EIPR1: variants seen among roughly 807,000 people sequenced by gnomAD.
EIPR1 encodes the protein EARP complex and GARP complex interacting protein 1.
Under a neutral mutation model 48.1 loss-of-function variants are expected in EIPR1, and 25 were observed. The ratio of observed to expected loss-of-function variants is 0.52; its 90% confidence interval spans 0.38 to 0.73. The LOEUF (loss-of-function observed/expected upper bound fraction) is 0.73, where lower values mean the gene tolerates loss of function less well. EIPR1 is among the 30% of genes least tolerant of loss of function. EIPR1 has a pLI of 0.00. For missense variants in EIPR1, 415 were observed against 506.2 expected (o/e 0.82, Z 1.73); for synonymous variants, 204 against 201.9 (o/e 1.01, Z -0.09).
intron 3 of EIPR1, among the ~76,000 whole-genome samples, chr2:3,292,932 C>T (rs193097251): frequency 1.5e-4 from 23 of 151,160 alleles, no homozygotes; most frequent in Non-Finnish European, 8.8e-5. Context: ...TTGCAGAAAA[C>T]GAGAAAGGGA....
chr2:3,198,837 G>A (rs545013687), intron 5 of EIPR1, among the ~76,000 whole-genome samples: 14 of 152,240 alleles, frequency 9.2e-5, no homozygotes, highest in South Asian at 2.1e-4. Flanking sequence ...AGGTCAGGGC[G>A]AAACTACAAC....
chr2:3,314,606 C>T (rs1050827444), intron 3 of EIPR1, among the ~76,000 whole-genome samples: 9 of 151,872 alleles, frequency 5.9e-5, no homozygotes, highest in Non-Finnish European at 7.4e-5. Context: ...TCAGGGCCCT[C>T]GGTGGTCTCA....
intron 8 of EIPR1, among the ~76,000 whole-genome samples, chr2:3,191,342 C>T (rs564652673): frequency 5.0e-4 from 75 of 150,428 alleles, no homozygotes; most frequent in Non-Finnish European, 7.2e-4. Context: ...ATGGGCCCAT[C>T]GCCACTGCAG....
intron 1 of EIPR1, among the ~76,000 whole-genome samples, chr2:3,371,177 C>G (rs1226613700): frequency 6.6e-6 from 1 of 152,162 alleles, no homozygotes; most frequent in Non-Finnish European, 1.5e-5. Flanking sequence ...ACTTTACAGA[C>G]AAGCAAATGC....
chr2:3,359,183 C>T (rs1670799038), intron 1 of EIPR1, among the ~76,000 whole-genome samples: 1 of 152,084 alleles, frequency 6.6e-6, no homozygotes, highest in South Asian at 2.1e-4. Context: ...CAAAATGAAC[C>T]CAGGAGCTCA....
intron 3 of EIPR1, among the ~76,000 whole-genome samples, chr2:3,321,869 C>T (rs943897439): frequency 2.0e-5 from 3 of 152,346 alleles, no homozygotes; most frequent in South Asian, 2.1e-4. Flanking sequence ...AAGGCACAGA[C>T]GCTGCCTCAT....
At chr2:3,200,518 G>C (rs1664993176) in intron 5 of EIPR1, among the ~76,000 whole-genome samples, 1 of 152,126 alleles carries the variant, frequency 6.6e-6, no homozygotes, top group Non-Finnish European at 1.5e-5. Context: ...TGCTGTGTGG[G>C]GACAGTTGGC....
intron 5 of EIPR1, among the ~76,000 whole-genome samples, chr2:3,209,247 G>T (rs1665355004): frequency 6.6e-6 from 1 of 152,192 alleles, no homozygotes; most frequent in Admixed American, 6.5e-5. Flanking sequence ...CAGACCTGGA[G>T]CTGAAGAAGC....
intron 4 of EIPR1, among the ~76,000 whole-genome samples, chr2:3,233,007 T>C (rs1666290230): frequency 6.6e-6 from 1 of 152,202 alleles, no homozygotes; most frequent in Admixed American, 6.5e-5. Context: ...AAACGCAAAG[T>C]CATATATGCC....
chr2:3,337,892 C>T, intron 3 of EIPR1, 125 bp downstream of exon 3: 1 of 1,039,880 alleles, frequency 9.6e-7, no homozygotes, highest in Middle Eastern at 2.1e-4. Flanking sequence ...TCTGTGCATG[C>T]AACACCTTCA....
rs77482401 is a variant in EIPR1 at position 3,207,228 on chromosome 2, T to C, written c.516+6921A>G. Among the ~76,000 whole-genome samples, 541 of 152,314 alleles carry C rather than the reference T, an allele frequency of 3.6e-3. 1 individual carries two copies. Among genetic ancestry groups the C allele is most frequent in the Middle Eastern group, 6.8e-3 (2 of 292 alleles). On this transcript the variant is annotated intron_variant, in intron 5 of 8. Coordinates refer to ENST00000382125, the MANE Select transcript of EIPR1 (RefSeq NM_003310.5). ...TGCTGTGAGGAACGCTGCTCTCCTG[T>C]AACCTGTAATTCCACTGTTAAATGG...
intron 3 of EIPR1, among the ~76,000 whole-genome samples, chr2:3,306,467 ACC>A (rs1668947968): frequency 6.6e-6 from 1 of 152,140 alleles, no homozygotes; most frequent in South Asian, 2.1e-4. Context: ...GGGGCACCAA[ACC>A]CCAACACAAC....
chr2:3,242,127 C>T (rs1171091163), intron 4 of EIPR1, among the ~76,000 whole-genome samples: 1 of 151,580 alleles, frequency 6.6e-6, no homozygotes, highest in Non-Finnish European at 1.5e-5. Flanking sequence ...CCAGGCAGCA[C>T]CCACTGATGG....
intron 3 of EIPR1, among the ~76,000 whole-genome samples, chr2:3,304,537 A>C (rs866882902): frequency 0.15 from 965 of 6,602 alleles, 466 homozygotes; most frequent in South Asian, 0.22. Context: ...CAACCCTCCA[A>C]TCCCATCCAG....
At chr2:3,196,662 A>C (rs1442051843) in intron 6 of EIPR1, among the ~76,000 whole-genome samples, 1 of 152,204 alleles carries the variant, frequency 6.6e-6, no homozygotes, top group African/African-American at 2.4e-5. Flanking sequence ...TGGAACATTA[A>C]ACAGCCACCG....
At chr2:3,235,448 G>A (rs138496956) in intron 4 of EIPR1, among the ~76,000 whole-genome samples, 247 of 26,890 alleles carry the variant, frequency 9.2e-3, no homozygotes, top group Admixed American at 0.035. Flanking sequence ...ACGCGTGCGC[G>A]CACACACACA....
intron 3 of EIPR1, among the ~76,000 whole-genome samples, chr2:3,334,139 G>A (rs778251324): frequency 6.6e-6 from 1 of 152,108 alleles, no homozygotes; most frequent in Non-Finnish European, 1.5e-5. Context: ...CCTAACAAAC[G>A]GCACACACAC....
At chr2:3,213,305 C>T (rs1665520817) in intron 5 of EIPR1, among the ~76,000 whole-genome samples, 2 of 152,014 alleles carry the variant, frequency 1.3e-5, no homozygotes, top group African/African-American at 4.8e-5. Context: ...ATTATGAATG[C>T]ATGTAAAAAC....
Position 3,286,648 on chromosome 2 carries a change from G to A in EIPR1, c.260-29193C>T, listed in dbSNP as rs185542397. Among the ~76,000 whole-genome samples the A allele has an allele frequency of 3.9e-3, 600 of 152,336 alleles. 4 individuals are homozygous for A. Among genetic ancestry groups the A allele is most frequent in the African/African-American group, 0.012 (519 of 41,580 alleles). On this transcript the variant is annotated intron_variant, in intron 3 of 8. Transcript: ENST00000382125. This position sits in a 1 kb window ranked among gnomAD's most constrained non-coding sequence, Gnocchi z 4.2. The stretch of plus-strand genomic sequence containing the variant: ...GGGATCTCACAGTCCAGAGTGCCCC[G>A]CAGAGCACCCGAGACAGCGGCTGGC...
Sources: gnomAD v4.1 joint callset for allele counts (sites outside exome capture counted in the v4.1 genomes callset) on GRCh38, gnomAD v4.1.1 for gene constraint, Gnocchi (gnomAD v3.1) non-coding constraint, MANE v1.5 for transcripts, NCBI Gene and HGNC (gene_info 2026-07-23, HGNC 2026-07-21) for gene names.